Variants in SMKR1 observed in about 807,000 individuals in gnomAD.
The protein encoded by SMKR1 is small lysine rich protein 1, also known as small lysine-rich protein 1.
Under a neutral mutation model 4.0 loss-of-function variants are expected in SMKR1, and 4 were observed. That is an observed-to-expected ratio of 1.00 (90% CI 0.49 to 2.30). The LOEUF is 2.30. Among genes scored for constraint, SMKR1 ranks in the 30% most tolerant of loss-of-function variants. The pLI is 0.02. For synonymous variants in SMKR1, 38 were observed against 32.5 expected (o/e 1.17, Z -0.58); for missense variants, 56 against 81.8 (o/e 0.68, Z 1.22).
chr7:129,507,335 A>C (rs575560612), intron 1 of SMKR1, among the ~76,000 whole-genome samples: 56 of 151,402 alleles, frequency 3.7e-4, no homozygotes, highest in Non-Finnish European at 6.9e-4. Flanking sequence ...TTTAATATAG[A>C]TATGGGGTCC....
intron 1 of SMKR1, among the ~76,000 whole-genome samples, chr7:129,510,408 G>C (rs1395678439): frequency 6.6e-6 from 1 of 152,164 alleles, no homozygotes; most frequent in Non-Finnish European, 1.5e-5. Flanking sequence ...ATAATACATA[G>C]AAATACAGCT....
At chr7:129,509,775 G>C (rs1230634209) in intron 1 of SMKR1, among the ~76,000 whole-genome samples, 1 of 152,190 alleles carries the variant, frequency 6.6e-6, no homozygotes, top group East Asian at 1.9e-4. Context: ...TCCTGACCTT[G>C]TGATCTGCCC....
At chr7:129,506,768 T>C (rs1208115996) in intron 1 of SMKR1, among the ~76,000 whole-genome samples, 2 of 151,988 alleles carry the variant, frequency 1.3e-5, no homozygotes, top group African/African-American at 4.8e-5. Context: ...TCAGTAATTA[T>C]TCCTTTTTAG....
chr7:129,512,303 G>A lies in SMKR1; in HGVS notation c.60G>A (p.Lys20=), dbSNP rs1361932743. The A allele has an allele frequency of 6.5e-7, 1 of 1,535,208 alleles. No homozygotes were observed. The highest frequency in any genetic ancestry group is 8.7e-7 in the Non-Finnish European group (1 of 1,146,554). The change falls in exon 2 of 2, where the codon AAG becomes AAA. Residue 20 remains lysine (K), a synonymous_variant. Transcript: ENST00000462322. ...GQGKSHGKKQ[K]KPEVDILSPA... ...GCAAGTCTCATGGGAAGAAACAGAA[G>A]AAACCAGAAGTGGACATTCTCAGCC...
At chr7:129,506,153 G>A (rs777778888) in intron 1 of SMKR1, among the ~76,000 whole-genome samples, 1 of 152,178 alleles carries the variant, frequency 6.6e-6, no homozygotes, top group Non-Finnish European at 1.5e-5. Flanking sequence ...TGTTTAAAAT[G>A]CATGCTTTAG....
At chr7:129,508,805 G>A (rs759317143) in intron 1 of SMKR1, among the ~76,000 whole-genome samples, 12 of 152,254 alleles carry the variant, frequency 7.9e-5, no homozygotes, top group Non-Finnish European at 1.6e-4. Flanking sequence ...AAAAAGATGA[G>A]AACTTTGAAA....
chr7:129,505,258 AGTG>A, intron 1 of SMKR1, among the ~76,000 whole-genome samples: 2 of 152,304 alleles, frequency 1.3e-5, no homozygotes, highest in African/African-American at 4.8e-5. Context: ...ACTAGTGAAA[AGTG>A]GTGCGGGGAA....
At chr7:129,507,162 C>T (rs1196364325) in intron 1 of SMKR1, among the ~76,000 whole-genome samples, 2 of 151,930 alleles carry the variant, frequency 1.3e-5, no homozygotes, top group African/African-American at 4.8e-5. Flanking sequence ...ACTACAGGCG[C>T]CCACCACCAT....
intron 1 of SMKR1, among the ~76,000 whole-genome samples, chr7:129,508,526 C>G (rs2151028052): frequency 6.6e-6 from 1 of 152,320 alleles, no homozygotes; most frequent in East Asian, 1.9e-4. Context: ...ACTGCAACCT[C>G]TGCCTTCCGG....
chr7:129,509,879 T>G (rs969565821), intron 1 of SMKR1, among the ~76,000 whole-genome samples: 5 of 152,210 alleles, frequency 3.3e-5, no homozygotes, highest in African/African-American at 4.8e-5. Flanking sequence ...TTCCTCTTTG[T>G]CTAGCTTGGG....
intron 1 of SMKR1, among the ~76,000 whole-genome samples, chr7:129,508,214 T>G (rs1286051907): frequency 6.6e-6 from 1 of 152,216 alleles, no homozygotes; most frequent in African/African-American, 2.4e-5. Flanking sequence ...TTCATTTTTT[T>G]GTAAATGGAT....
At chr7:129,503,304 C>A (rs1799430297) in intron 1 of SMKR1, among the ~76,000 whole-genome samples, 1 of 152,118 alleles carries the variant, frequency 6.6e-6, no homozygotes, top group Non-Finnish European at 1.5e-5. Flanking sequence ...TCACTTACGA[C>A]CTCCTTCCAA....
At position 129,512,603 on chromosome 7, in the gene SMKR1, C is replaced by T; in HGVS notation, c.*162C>T. The T allele has an allele frequency of 1.3e-6, 1 of 759,176 alleles. No homozygotes were observed. Among genetic ancestry groups the T allele is most frequent in the East Asian group, 3.0e-5 (1 of 33,292 alleles). 47.0% of individuals were successfully genotyped at this position (759,176 alleles called of 1,614,324 possible). A position where few individuals can be genotyped will look rare whatever the true frequency, so the allele number is the denominator to read the frequency against. ...GTGGAAGATCAGGAAATGCACCTTA[C>T]TTCCTCTGTTATGCCAGATATGGTT... On this transcript the variant is annotated 3_prime_UTR_variant, in exon 2 of 2. Coordinates refer to ENST00000462322, the MANE Select transcript of SMKR1 (RefSeq NM_001195243.2).
At chr7:129,507,177 A>G (rs1176261315) in intron 1 of SMKR1, among the ~76,000 whole-genome samples, 7 of 151,876 alleles carry the variant, frequency 4.6e-5, no homozygotes, top group Admixed American at 2.0e-4. Flanking sequence ...CACCATGCCC[A>G]GCTAATTTTT....
intron 1 of SMKR1, among the ~76,000 whole-genome samples, chr7:129,505,124 A>G (rs1799451632): frequency 6.6e-6 from 1 of 152,254 alleles, no homozygotes; most frequent in Admixed American, 6.5e-5. Context: ...TTCACTCAGC[A>G]GATATTTATG....
chr7:129,503,455 A>T (rs773523761), intron 1 of SMKR1, among the ~76,000 whole-genome samples: 7 of 152,222 alleles, frequency 4.6e-5, no homozygotes, highest in Non-Finnish European at 4.4e-5. Flanking sequence ...CTCAACCTCG[A>T]GCTTTCTCTG....
Position 129,506,686 on chromosome 7 carries a change from GT to G in SMKR1, c.3+3874del, listed in dbSNP as rs35399903. Among the ~76,000 whole-genome samples the G allele has an allele frequency of 6.8e-3, 941 of 137,920 alleles. 7 individuals carry two copies. The highest frequency in any genetic ancestry group is 0.022 in the African/African-American group (831 of 37,216). The allele number at this position is 137,920 out of a possible 152,430, so 90.5% of individuals were successfully genotyped here. A position where few individuals can be genotyped will look rare whatever the true frequency, so the allele number is the denominator to read the frequency against. ...TTATATATATGCAGTCATACATTAT[GT>G]TTTTTTTTTTTTTTACTGACTTTTT... On this transcript the variant is annotated intron_variant, in intron 1 of 1. Transcript: ENST00000462322.
At chr7:129,505,034 C>G (rs1457739758) in intron 1 of SMKR1, among the ~76,000 whole-genome samples, 1 of 152,218 alleles carries the variant, frequency 6.6e-6, no homozygotes, top group Non-Finnish European at 1.5e-5. Flanking sequence ...AAGGAGGCAT[C>G]TTAAAATTCA....
At chr7:129,507,454 T>C (rs965018119) in intron 1 of SMKR1, among the ~76,000 whole-genome samples, 1 of 152,204 alleles carries the variant, frequency 6.6e-6, no homozygotes, top group Non-Finnish European at 1.5e-5. Flanking sequence ...CCAGCCTGTT[T>C]CCAGTTTTTA....
Sources: gnomAD v4.1 joint callset for allele counts (sites outside exome capture counted in the v4.1 genomes callset) on GRCh38, gnomAD v4.1.1 for gene constraint, MANE v1.5 for transcripts, NCBI Gene and HGNC (gene_info 2026-07-23, HGNC 2026-07-21) for gene names.